The following ARHGEF7 variants were observed in gnomAD, a reference collection of about 807,000 sequenced individuals.
ARHGEF7 encodes PAK-interacting exchange factor beta.
A neutral mutation model predicts 109.8 loss-of-function variants in ARHGEF7; 33 were observed. That is an observed-to-expected ratio of 0.30 (90% CI 0.23 to 0.40). The LOEUF is 0.40. Ranked by LOEUF, ARHGEF7 falls within the 10% of genes least tolerant of loss-of-function variation. The pLI is 1.00. For synonymous variants in ARHGEF7, 458 were observed against 424.6 expected (o/e 1.08, Z -0.97); for missense variants, 938 against 1,098.5 (o/e 0.85, Z 2.07).
intron 5 of ARHGEF7, among the ~76,000 whole-genome samples, chr13:111,226,465 C>T (rs917098638): frequency 6.6e-6 from 1 of 152,194 alleles, no homozygotes. Flanking sequence ...TCCTAGTACC[C>T]TTAAGAATTA....
chr13:111,256,452 C>G (rs1157494932), intron 8 of ARHGEF7, among the ~76,000 whole-genome samples: 1 of 152,176 alleles, frequency 6.6e-6, no homozygotes. Context: ...AGTATGGGCT[C>G]CACCATCCCT....
intron 8 of ARHGEF7, among the ~76,000 whole-genome samples, chr13:111,247,602 T>C (rs2089103842): frequency 6.6e-6 from 1 of 152,080 alleles, no homozygotes; most frequent in African/African-American, 2.4e-5. Context: ...GATTTTTTTT[T>C]TTCGTCTCTA....
At chr13:111,140,508 C>T (rs2075296325) in intron 1 of ARHGEF7, among the ~76,000 whole-genome samples, 1 of 152,076 alleles carries the variant, frequency 6.6e-6, no homozygotes, top group Admixed American at 6.6e-5. Context: ...GCAGAGGGAA[C>T]AGCTAGTGCG....
intron 1 of ARHGEF7, among the ~76,000 whole-genome samples, chr13:111,127,953 C>G (rs1272860441): frequency 1.3e-5 from 2 of 152,036 alleles, no homozygotes; most frequent in Non-Finnish European, 2.9e-5. Context: ...AGAGAAAAAT[C>G]CAGAGGATTA....
intron 2 of ARHGEF7, among the ~76,000 whole-genome samples, chr13:111,201,719 A>G (rs547193023): frequency 6.6e-6 from 1 of 152,186 alleles, no homozygotes; most frequent in South Asian, 2.1e-4. Flanking sequence ...TCTGAGGTCT[A>G]AGGGGCCCAA....
intron 1 of ARHGEF7, among the ~76,000 whole-genome samples, chr13:111,121,182 A>G (rs831152): frequency 0.2 from 30,393 of 152,072 alleles, 4,549 homozygotes; most frequent in African/African-American, 0.43. Context: ...GCCCTTCAGT[A>G]GACAGACCCC....
At chr13:111,274,850 A>G in intron 11 of ARHGEF7, 60 bp downstream of exon 11, 1 of 1,153,220 alleles carries the variant, frequency 8.7e-7, no homozygotes, top group Non-Finnish European at 1.2e-6. Context: ...TGAATGTAAA[A>G]GAATTATCAA....
At chr13:111,289,443 C>T (rs2093176578) in intron 18 of ARHGEF7, among the ~76,000 whole-genome samples, 1 of 152,220 alleles carries the variant, frequency 6.6e-6, no homozygotes, top group Non-Finnish European at 1.5e-5. Flanking sequence ...CATCTGCGTG[C>T]CCACAACAGC....
At chr13:111,280,494 TACCTGTGTTTCC>T in intron 14 of ARHGEF7, 32 bp from the exon 15 acceptor site, 1 of 1,579,234 alleles carries the variant, frequency 6.3e-7, no homozygotes, top group Non-Finnish European at 8.6e-7. Context: ...ACGTGCTTTT[TACCTGTGTTTCC>T]ACTCGGCCTA....
chr13:111,138,111 C>T (rs191985469), intron 1 of ARHGEF7, among the ~76,000 whole-genome samples: 48 of 151,932 alleles, frequency 3.2e-4, no homozygotes, highest in African/African-American at 1.1e-3. Context: ...GTCAGGAGTT[C>T]GAGACCAGCC....
intron 19 of ARHGEF7, among the ~76,000 whole-genome samples, chr13:111,300,005 G>T (rs949974423): frequency 2.6e-5 from 4 of 152,148 alleles, no homozygotes; most frequent in African/African-American, 9.7e-5. Context: ...TTTAAGAAAA[G>T]ATTTTCTCCC....
chr13:111,264,061 C>T lies in ARHGEF7; in HGVS notation c.951-3487C>T, dbSNP rs552983973. 6.6e-5 allele frequency among the ~76,000 whole-genome samples: 10 copies of T among 152,322 alleles called. No homozygotes were observed. In the South Asian group the frequency reaches 8.3e-4, roughly 13 times the overall value. ...TAATCCCGGTAGGTTGTGGAAACCC[C>T]GCTTAGCTGTTCACAGTTGGAAATG... On this transcript the variant is annotated intron_variant, in intron 8 of 21. Transcript: ENST00000646102.
chr13:111,279,191 G>C (rs1389306863), intron 13 of ARHGEF7, among the ~76,000 whole-genome samples: 1 of 152,252 alleles, frequency 6.6e-6, no homozygotes, highest in African/African-American at 2.4e-5. Flanking sequence ...GGAGTTCACA[G>C]TGTGTAGCAT....
intron 6 of ARHGEF7, among the ~76,000 whole-genome samples, chr13:111,241,498 T>G (rs1009803893): frequency 3.3e-5 from 5 of 152,216 alleles, no homozygotes; most frequent in Non-Finnish European, 7.3e-5. Context: ...ATACAGGAAT[T>G]GTGTTTAGCA....
At chr13:111,235,612 A>G (rs1384757259) in intron 6 of ARHGEF7, among the ~76,000 whole-genome samples, 2 of 152,246 alleles carry the variant, frequency 1.3e-5, no homozygotes. Context: ...CTTTTGATGT[A>G]GTACTCTCAT....
At position 111,304,074 on chromosome 13, in the gene ARHGEF7, A is replaced by T. The variant is rs1480227859; in HGVS notation, c.*961A>T. ...TACTGATGGGTGGAGTTTTGTCATCAGGCCAGCCTCATCCCGAGGTCTCCT... is the reference window on the plus strand; with the variant it reads ...TACTGATGGGTGGAGTTTTGTCATCTGGCCAGCCTCATCCCGAGGTCTCCT... On this transcript the variant is annotated 3_prime_UTR_variant, in exon 22 of 22. Coordinates refer to ENST00000646102, the MANE Select transcript of ARHGEF7 (RefSeq NM_001354046.2). 6.6e-6 allele frequency: 1 copy of T among 152,230 alleles called. No individual in the cohort carries two copies. Among genetic ancestry groups the T allele is most frequent in the Non-Finnish European group, 1.5e-5 (1 of 68,026 alleles). 9.4% of individuals were successfully genotyped at this position (152,230 alleles called of 1,614,324 possible).
intron 1 of ARHGEF7, among the ~76,000 whole-genome samples, chr13:111,147,109 C>T (rs552069203): frequency 3.3e-5 from 5 of 152,304 alleles, no homozygotes; most frequent in African/African-American, 1.2e-4. Flanking sequence ...CAGACTTCCC[C>T]ACCCCTTTGA....
chr13:111,244,373 G>T, intron 8 of ARHGEF7, 79 bp downstream of exon 8: 2 of 841,370 alleles, frequency 2.4e-6, no homozygotes, highest in East Asian at 2.7e-5. Flanking sequence ...AGTAATTTTA[G>T]AATTCACATT....
rs2093606457 is a variant in ARHGEF7, at chr13:111,303,099, G to C, written c.2575G>C (p.Glu859Gln). ...GAACATGAATGATCCTGCCTGGGATGAGACCAATCTATAAGGGATGTCCTC... is the reference window on the plus strand; with the variant it reads ...GAACATGAATGATCCTGCCTGGGATCAGACCAATCTATAAGGGATGTCCTC... ...LKNMNDPAWD[E>Q]TNL Residue 859 changes from glutamate (E) to glutamine (Q), a missense_variant, in exon 22 of 22, where the codon GAG becomes CAG. Around this residue, in one of 4 missense-constraint regions of ARHGEF7, gnomAD observed 166 missense variants for 167.3 expected, o/e 0.99. Coordinates refer to ENST00000646102, the MANE Select transcript of ARHGEF7 (RefSeq NM_001354046.2). 6.2e-7 allele frequency: 1 copy of C among 1,611,876 alleles called. No individual in the cohort carries two copies. Among genetic ancestry groups the C allele is most frequent in the African/African-American group, 1.3e-5 (1 of 75,012 alleles).
Sources: allele counts gnomAD v4.1 joint callset (sites outside exome capture counted in the v4.1 genomes callset), GRCh38; gene constraint gnomAD v4.1.1; regional missense constraint gnomAD v4.1.1; transcripts MANE v1.5; gene names NCBI Gene and HGNC (gene_info 2026-07-23, HGNC 2026-07-21).